Variants in GALNT13 observed in about 807,000 individuals in gnomAD.
The protein encoded by GALNT13 is UDP-GalNAc:polypeptide N-acetylgalactosaminyltransferase 13.
GALNT13 carries 28 observed loss-of-function variants against 64.2 expected under a neutral mutation model. The ratio of observed to expected loss-of-function variants is 0.44; its 90% CI spans 0.32 to 0.60. The LOEUF (loss-of-function observed/expected upper bound fraction) is 0.60, where lower values mean the gene tolerates loss of function less well. Ranked by LOEUF, GALNT13 falls within the 20% of genes least tolerant of loss-of-function variation. GALNT13 has a pLI of 0.05. For synonymous variants in GALNT13, 214 were observed against 224.6 expected (o/e 0.95, Z 0.42); for missense variants, 577 against 669.8 (o/e 0.86, Z 1.53).
chr2:153,855,250 A>G, the GALNT13 span, among the ~76,000 whole-genome samples: 1 of 152,206 alleles, frequency 6.6e-6, no homozygotes, highest in African/African-American at 2.4e-5. Flanking sequence ...TCCTTCTAGA[A>G]ATGTAACATG....
At chr2:154,193,332 A>C (rs1343802907) in intron 4 of GALNT13, among the ~76,000 whole-genome samples, 1 of 152,158 alleles carries the variant, frequency 6.6e-6, no homozygotes, top group Admixed American at 6.5e-5. Flanking sequence ...ATTCTTGTTA[A>C]ATAGAACTCA....
intron 11 of GALNT13, among the ~76,000 whole-genome samples, chr2:154,425,625 C>T (rs1427407670): frequency 2.0e-5 from 3 of 151,932 alleles, no homozygotes; most frequent in Non-Finnish European, 4.4e-5. Context: ...AAAACATAGG[C>T]GAATATACCA....
chr2:154,317,392 A>G lies in GALNT13; in HGVS notation c.1156+15803A>G, dbSNP rs1472799174. Among the ~76,000 whole-genome samples, 12 of 152,278 alleles carry G rather than the reference A, an allele frequency of 7.9e-5. No individual in the cohort carries two copies. The East Asian group carries it at 1.7e-3, about 22-fold the overall frequency. The stretch of plus-strand genomic sequence containing the variant: ...TGATTTTTAGTGAAGTAAGCTACAA[A>G]TTGAGTAATATCTAGAAATATTCAA... On this transcript the variant is annotated intron_variant, in intron 9 of 12. Transcript: ENST00000392825.
the GALNT13 span, among the ~76,000 whole-genome samples, chr2:153,140,371 G>A: frequency 1.3e-5 from 2 of 151,996 alleles, no homozygotes; most frequent in East Asian, 3.9e-4. Context: ...GGATTCCAAA[G>A]GTTGTATACA....
intron 10 of GALNT13, among the ~76,000 whole-genome samples, chr2:154,397,822 A>T (rs1303142340): frequency 1.3e-5 from 2 of 152,178 alleles, no homozygotes; most frequent in African/African-American, 2.4e-5. Context: ...GTAGTGAAAA[A>T]TTTCATGTGT....
intron 2 of GALNT13, among the ~76,000 whole-genome samples, chr2:153,910,805 T>G (rs1053550730): frequency 1.3e-5 from 2 of 152,212 alleles, no homozygotes; most frequent in Non-Finnish European, 2.9e-5. Context: ...TGCTATGATT[T>G]CAGTTCTTTT....
the GALNT13 span, among the ~76,000 whole-genome samples, chr2:153,542,348 AC>A: frequency 0.32 from 41,542 of 131,764 alleles, 5,967 homozygotes; most frequent in East Asian, 0.48. Flanking sequence ...ACAAACAAAC[AC>A]ACACACACAC....
intron 2 of GALNT13, among the ~76,000 whole-genome samples, chr2:153,902,488 A>G (rs1451922994): frequency 1.3e-5 from 2 of 152,092 alleles, no homozygotes; most frequent in Non-Finnish European, 2.9e-5. Flanking sequence ...TGAGGAAACT[A>G]TTTTTCCTCA....
intron 3 of GALNT13, among the ~76,000 whole-genome samples, chr2:153,982,032 C>T (rs1296968025): frequency 6.6e-6 from 1 of 152,048 alleles, no homozygotes; most frequent in Non-Finnish European, 1.5e-5. Flanking sequence ...TGCCCCTCTG[C>T]TAGAAACTGA....
the GALNT13 span, among the ~76,000 whole-genome samples, chr2:153,297,234 T>C: frequency 2.6e-5 from 4 of 152,220 alleles, no homozygotes; most frequent in Admixed American, 2.6e-4. Flanking sequence ...GCTGCTTTTT[T>C]TCTTTTCTCA....
the GALNT13 span, among the ~76,000 whole-genome samples, chr2:153,481,693 T>C: frequency 2.0e-5 from 3 of 152,298 alleles, no homozygotes; most frequent in Admixed American, 6.5e-5. Context: ...CTACTCTTTC[T>C]GGAAAATATA....
At chr2:153,299,811 A>G in the GALNT13 span, among the ~76,000 whole-genome samples, 1 of 152,128 alleles carries the variant, frequency 6.6e-6, no homozygotes, top group Non-Finnish European at 1.5e-5. Context: ...ACCACTTTCA[A>G]TTTTTATACC....
chr2:153,907,449 T>C (rs1329766348), intron 2 of GALNT13, among the ~76,000 whole-genome samples: 2 of 151,902 alleles, frequency 1.3e-5, no homozygotes, highest in East Asian at 1.9e-4. Flanking sequence ...AGGTTTGTTA[T>C]GTAGGTAAAC....
At chr2:154,441,003 C>T (rs1701265182) in intron 12 of GALNT13, among the ~76,000 whole-genome samples, 1 of 152,024 alleles carries the variant, frequency 6.6e-6, no homozygotes, top group Admixed American at 6.6e-5. Flanking sequence ...AGGGTGATTC[C>T]AGGAGTAGTA....
the GALNT13 span, among the ~76,000 whole-genome samples, chr2:153,597,893 T>C: frequency 6.6e-6 from 1 of 152,082 alleles, no homozygotes; most frequent in African/African-American, 2.4e-5. Context: ...GATATAACTT[T>C]ATATCCACTA....
At chr2:153,555,448 C>T in the GALNT13 span, among the ~76,000 whole-genome samples, 1 of 150,590 alleles carries the variant, frequency 6.6e-6, no homozygotes, top group Non-Finnish European at 1.5e-5. Flanking sequence ...CCCGCCTCGG[C>T]CTCCCAAAGT....
chr2:154,109,634 G>T (rs922542885), intron 3 of GALNT13, among the ~76,000 whole-genome samples: 1 of 152,098 alleles, frequency 6.6e-6, no homozygotes, highest in South Asian at 2.1e-4. Flanking sequence ...CTTCACTGTT[G>T]TGTTGAAATG....
the GALNT13 span, among the ~76,000 whole-genome samples, chr2:153,343,166 C>A: frequency 6.6e-6 from 1 of 151,980 alleles, no homozygotes; most frequent in Non-Finnish European, 1.5e-5. Context: ...TGCTGGTGCA[C>A]CATAACTATG....
chr2:153,302,499 T>G, the GALNT13 span, among the ~76,000 whole-genome samples: 1 of 152,186 alleles, frequency 6.6e-6, no homozygotes, highest in Non-Finnish European at 1.5e-5. Flanking sequence ...CAAATATTAT[T>G]TTCACATTCC....
Sources: allele counts gnomAD v4.1 joint callset (sites outside exome capture counted in the v4.1 genomes callset), GRCh38; gene constraint gnomAD v4.1.1; transcripts MANE v1.5; gene names NCBI Gene and HGNC (gene_info 2026-07-23, HGNC 2026-07-21).